Variants in CDC5L observed in about 807,000 individuals in gnomAD.
CDC5L encodes cell division cycle 5-like protein.
In CDC5L, 18 loss-of-function variants were observed where a neutral mutation model predicts 104.1. That is an observed-to-expected ratio of 0.17 (90% CI 0.12 to 0.26). CDC5L has a LOEUF of 0.26. CDC5L is among the 10% of genes least tolerant of loss of function. CDC5L has a pLI of 1.00. For missense variants in CDC5L, 673 were observed against 956.9 expected (o/e 0.70, Z 3.91); for synonymous variants, 331 against 322.7 (o/e 1.03, Z -0.28).
intron 7 of CDC5L, among the ~76,000 whole-genome samples, chr6:44,407,733 C>T (rs754329532): frequency 6.6e-6 from 1 of 152,196 alleles, no homozygotes; most frequent in Non-Finnish European, 1.5e-5. Context: ...ACTCTTTTCC[C>T]ACATGAGCAC....
chr6:44,441,738 T>C (rs186112197), intron 14 of CDC5L, among the ~76,000 whole-genome samples: 1 of 152,310 alleles, frequency 6.6e-6, no homozygotes, highest in Admixed American at 6.5e-5. Context: ...TTCATGTACC[T>C]GTTGACCACT....
chr6:44,434,871 C>T (rs1014731706), intron 14 of CDC5L, among the ~76,000 whole-genome samples: 4 of 152,142 alleles, frequency 2.6e-5, no homozygotes, highest in African/African-American at 9.7e-5. Flanking sequence ...GATTCATCTC[C>T]TGGGGACCAT....
At chr6:44,419,262 G>T (rs1364841296) in intron 8 of CDC5L, among the ~76,000 whole-genome samples, 187 bp from the exon 9 acceptor site, 1 of 152,156 alleles carries the variant, frequency 6.6e-6, no homozygotes, top group Non-Finnish European at 1.5e-5. Context: ...AATGTGATGT[G>T]TTAGATTGAT....
At chr6:44,411,513 T>C (rs1791622214) in intron 8 of CDC5L, among the ~76,000 whole-genome samples, 1 of 152,092 alleles carries the variant, frequency 6.6e-6, no homozygotes, top group Non-Finnish European at 1.5e-5. Flanking sequence ...ATAATTTTGC[T>C]CTTAACTCTT....
chr6:44,409,848 G>A (rs1791549104), intron 8 of CDC5L, among the ~76,000 whole-genome samples: 1 of 151,938 alleles, frequency 6.6e-6, no homozygotes, highest in African/African-American at 2.4e-5. Context: ...CATGTCTTTG[G>A]CTTTCTTGGT....
At chr6:44,429,015 CTTTTTTTTTTTT>C (rs922435895) in intron 13 of CDC5L, among the ~76,000 whole-genome samples, 3 of 95,596 alleles carry the variant, frequency 3.1e-5, no homozygotes, top group African/African-American at 1.4e-4. Flanking sequence ...GTTTCATTAG[CTTTTTTTTTTTT>C]TTTTTTTTTT....
At chr6:44,411,056 C>G (rs1490672682) in intron 8 of CDC5L, among the ~76,000 whole-genome samples, 6 of 151,276 alleles carry the variant, frequency 4.0e-5, no homozygotes, top group Admixed American at 3.3e-4. Flanking sequence ...TTCTCTGAGG[C>G]TGTTAATGAT....
chr6:44,400,117 T>C (rs1791052519), intron 5 of CDC5L, among the ~76,000 whole-genome samples: 2 of 152,216 alleles, frequency 1.3e-5, no homozygotes, highest in African/African-American at 4.8e-5. Context: ...GCAACGTTGT[T>C]ATCATACCTT....
At chr6:44,397,534 G>GC (rs1323109562) in intron 5 of CDC5L, among the ~76,000 whole-genome samples, 1 of 152,182 alleles carries the variant, frequency 6.6e-6, no homozygotes, top group Non-Finnish European at 1.5e-5. Flanking sequence ...CAGAGGTAAT[G>GC]CCCAGTTTAT....
At chr6:44,441,192 T>A (rs1793171899) in intron 14 of CDC5L, among the ~76,000 whole-genome samples, 1 of 152,228 alleles carries the variant, frequency 6.6e-6, no homozygotes, top group African/African-American at 2.4e-5. Flanking sequence ...ACTCTCTACT[T>A]CTATGAGATT....
chr6:44,394,594 G>C (rs1156239797), intron 4 of CDC5L, among the ~76,000 whole-genome samples: 1 of 151,956 alleles, frequency 6.6e-6, no homozygotes, highest in African/African-American at 2.4e-5. Flanking sequence ...GGTGGCTCAC[G>C]CCTGTAATCC....
At chr6:44,390,868 A>G (rs898242989) in intron 2 of CDC5L, among the ~76,000 whole-genome samples, 1 of 148,082 alleles carries the variant, frequency 6.8e-6, no homozygotes, top group Non-Finnish European at 1.5e-5. Context: ...TATATATTTT[A>G]TAGTTAATAT....
chr6:44,388,776 G>A (rs1328434802), intron 1 of CDC5L, among the ~76,000 whole-genome samples: 1 of 150,292 alleles, frequency 6.7e-6, no homozygotes, highest in African/African-American at 2.5e-5. Context: ...ATCTCTGTAA[G>A]AATTAATTGC....
chr6:44,444,909 T>C (rs1255625396), intron 14 of CDC5L, among the ~76,000 whole-genome samples: 7 of 152,124 alleles, frequency 4.6e-5, no homozygotes, highest in African/African-American at 1.7e-4. Flanking sequence ...GGGAAAGGCT[T>C]GGAAAGTGTC....
chr6:44,414,175 G>T (rs1335360296), intron 8 of CDC5L, among the ~76,000 whole-genome samples: 1 of 152,050 alleles, frequency 6.6e-6, no homozygotes, highest in Non-Finnish European at 1.5e-5. Flanking sequence ...AACTTCTCTG[G>T]TTCAAGCAGC....
intron 13 of CDC5L, among the ~76,000 whole-genome samples, chr6:44,427,775 G>A (rs570066612): frequency 1.3e-5 from 2 of 152,092 alleles, no homozygotes; most frequent in African/African-American, 2.4e-5. Flanking sequence ...ATCAGGCTAC[G>A]AAATTGATAC....
intron 11 of CDC5L, 87 bp downstream of exon 11, chr6:44,424,670 G>A: frequency 1.6e-6 from 2 of 1,258,758 alleles, no homozygotes; most frequent in Admixed American, 2.0e-5. Flanking sequence ...AATGTCCCAA[G>A]ATCTCTACCT....
At chr6:44,444,652 A>T (rs1329957921) in intron 14 of CDC5L, among the ~76,000 whole-genome samples, 1 of 151,038 alleles carries the variant, frequency 6.6e-6, no homozygotes, top group Non-Finnish European at 1.5e-5. Context: ...CATGTTCCAG[A>T]CTCTTTTCTT....
intron 14 of CDC5L, 81 bp downstream of exon 14, chr6:44,429,991 CAG>C (rs1181134751): frequency 9.3e-7 from 1 of 1,075,898 alleles, no homozygotes; most frequent in Non-Finnish European, 1.4e-6. Context: ...GAGACAATGT[CAG>C]AAAAACACAC....
Sources: allele counts gnomAD v4.1 joint callset (sites outside exome capture counted in the v4.1 genomes callset), GRCh38; gene constraint gnomAD v4.1.1; transcripts MANE v1.5; gene names NCBI Gene and HGNC (gene_info 2026-07-23, HGNC 2026-07-21).